TRRAP: variants seen among roughly 807,000 people sequenced by gnomAD.
The protein encoded by TRRAP is transformation/transcription domain-associated protein.
Under a neutral mutation model 438.8 loss-of-function variants are expected in TRRAP, and 41 were observed. The observed-to-expected ratio is 0.09, with a 90% CI of 0.07 to 0.12. The LOEUF (loss-of-function observed/expected upper bound fraction) is 0.12. TRRAP is among the 10% of genes least tolerant of loss of function. The pLI is 1.00. For synonymous variants in TRRAP, 1,994 were observed against 1,962.9 expected (o/e 1.02, Z -0.42); for missense variants, 3,122 against 5,055.1 (o/e 0.62, Z 11.60).
chr7:98,995,723 C>T lies in TRRAP; in HGVS notation c.10309+875C>T, dbSNP rs185864249. ...ATCATACACACACATGTCCCATCTA[C>T]GCACCCACGTCCCGTCCATGCACCC... is the stretch of plus-strand genomic sequence containing the variant. On this transcript the variant is annotated intron_variant, in intron 67 of 72. Transcript: ENST00000456197. Among the ~76,000 whole-genome samples the T allele has an allele frequency of 2.0e-3, 301 of 148,430 alleles. 1 individual carries two copies. Among genetic ancestry groups the T allele is most frequent in the Middle Eastern group, 7.1e-3 (2 of 280 alleles).
At chr7:98,964,062 T>C (rs1229967093) in intron 47 of TRRAP, among the ~76,000 whole-genome samples, 3 of 141,918 alleles carry the variant, frequency 2.1e-5, no homozygotes, top group African/African-American at 8.0e-5. Context: ...GCCTGGGTGA[T>C]AGAGCAAGAC....
intron 58 of TRRAP, among the ~76,000 whole-genome samples, chr7:98,980,189 C>A (rs554789183): frequency 7.9e-5 from 12 of 152,166 alleles, no homozygotes; most frequent in Non-Finnish European, 1.6e-4. Flanking sequence ...CAAAAACAAG[C>A]CACAGTGTCA....
intron 61 of TRRAP, among the ~76,000 whole-genome samples, chr7:98,984,730 G>C (rs1355946898): frequency 6.6e-6 from 1 of 152,118 alleles, no homozygotes; most frequent in Non-Finnish European, 1.5e-5. Context: ...AGACCCCTAA[G>C]TATTTAGGAT....
At chr7:98,951,976 G>A (rs1356652178) in intron 39 of TRRAP, among the ~76,000 whole-genome samples, 1 of 152,190 alleles carries the variant, frequency 6.6e-6, no homozygotes, top group Non-Finnish European at 1.5e-5. Context: ...GTCAGGATGA[G>A]GAGAAAAGGA....
At chr7:98,992,681 C>T (rs1420088938) in intron 65 of TRRAP, among the ~76,000 whole-genome samples, 1 of 152,122 alleles carries the variant, frequency 6.6e-6, no homozygotes, top group African/African-American at 2.4e-5. Flanking sequence ...CAGTGTAAGA[C>T]TTTTAATCTA....
rs556156924 is a variant in TRRAP, at chr7:98,977,189, T to C, written c.8385+113T>C. 5.5e-6 allele frequency: 8 copies of C among 1,452,478 alleles called. No homozygotes were observed. In the South Asian group the frequency reaches 7.7e-5, roughly 14 times the overall value. The allele number at this position is 1,452,478 out of a possible 1,614,324, so 90.0% of individuals were successfully genotyped here. On this transcript the variant is annotated intron_variant, in intron 56 of 72. Transcript: ENST00000456197. ...CACGTTCTCTTTTTTTGAGATGGAGTCTTGCTCTGTCGCCCAGCCTGGAGT... is the reference window on the plus strand; with the variant it reads ...CACGTTCTCTTTTTTTGAGATGGAGCCTTGCTCTGTCGCCCAGCCTGGAGT...
At chr7:98,917,852 T>G (rs1789579896) in intron 20 of TRRAP, among the ~76,000 whole-genome samples, 173 bp downstream of exon 20, 1 of 152,096 alleles carries the variant, frequency 6.6e-6, no homozygotes, top group African/African-American at 2.4e-5. Context: ...CCGGGCACGG[T>G]GTCTCCTGAC....
In TRRAP at chr7:98,959,369, G is replaced by C. The variant is rs748400347; in HGVS notation, c.6368G>C (p.Gly2123Ala). 2 of 1,614,042 alleles carry C rather than the reference G, an allele frequency of 1.2e-6. No individual in the cohort carries two copies. Among genetic ancestry groups the C allele is most frequent in the Non-Finnish European group, 8.5e-7 (1 of 1,179,996 alleles). Residue 2123 changes from glycine to alanine, a missense_variant, in exon 45 of 73, where the codon GGG (glycine) becomes GCG (alanine). By Grantham distance (60) the Gly-to-Ala change is moderately conservative. This residue lies in a region of TRRAP where 992 missense variants were observed against 1,281.2 expected (regional missense o/e 0.77). Coordinates refer to ENST00000456197, the MANE Select transcript of TRRAP (RefSeq NM_001375524.1). ...GTTAATGACAACACCAACACAGCGG[G>C]GTCCCCTGGGGAGGTGCTCTCTCGC... ...CQVNDNTNTAGSPGEVLSRRC... is the reference protein window; with the variant it reads ...CQVNDNTNTAASPGEVLSRRC...
chr7:98,927,223 A>G lies in TRRAP; in HGVS notation c.3032A>G (p.Asp1011Gly), dbSNP rs1554411740. The G allele has an allele frequency of 1.9e-6, 3 of 1,614,218 alleles. No homozygotes were observed. The highest frequency in any genetic ancestry group is 3.3e-5 in the Admixed American group (2 of 60,028). ...VIISHRYKAQDTPARKTFEQA... is the reference protein window; with the variant it reads ...VIISHRYKAQGTPARKTFEQA... ...ATCTCACATCGCTACAAAGCCCAGG[A>G]CACTCCAGCCCGGAAGACTTTTGAG... Residue 1011 changes from aspartate to glycine, a missense_variant, in exon 23 of 73, where the codon GAC becomes GGC. Asp to Gly is a moderately conservative substitution (Grantham distance 94). Coordinates refer to ENST00000456197, the MANE Select transcript of TRRAP (RefSeq NM_001375524.1).
In TRRAP at chr7:98,989,056, G is replaced by A. The variant is rs77756548; in HGVS notation, c.9591+90G>A. ...TAGCTATAGTTTACTCATCCGTGCC[G>A]GGTGTGAGGCATGATTTCATGCCTT... On this transcript the variant is annotated intron_variant, in intron 63 of 72. Transcript: ENST00000456197. 1.4e-3 allele frequency: 1,939 copies of A among 1,346,406 alleles called. 21 individuals carry two copies. The African/African-American group carries it at 0.021, about 15-fold the overall frequency. The allele number at this position is 1,346,406 out of a possible 1,614,324, so 83.4% of individuals were successfully genotyped here.
At chr7:98,958,190 A>G in intron 44 of TRRAP, 99 bp downstream of exon 44, 1 of 1,037,724 alleles carries the variant, frequency 9.6e-7, no homozygotes. Context: ...CAAAAAAGAT[A>G]CAGACAAACC....
intron 67 of TRRAP, chr7:98,999,667 G>T: frequency 1.1e-6 from 1 of 924,770 alleles, no homozygotes; most frequent in Non-Finnish European, 1.7e-6. Flanking sequence ...GAATGAAGGT[G>T]GGAAGGAGGA....
intron 30 of TRRAP, among the ~76,000 whole-genome samples, chr7:98,938,671 G>T (rs1373851684): frequency 6.6e-6 from 1 of 152,068 alleles, no homozygotes; most frequent in Admixed American, 6.6e-5. Flanking sequence ...ACATGAACTT[G>T]CCATAATTTA....
At chr7:98,959,153 T>C (rs1791766940) in intron 44 of TRRAP, among the ~76,000 whole-genome samples, 191 bp from the exon 45 acceptor site, 1 of 151,614 alleles carries the variant, frequency 6.6e-6, no homozygotes, top group Non-Finnish European at 1.5e-5. Context: ...GAGGGGGCCG[T>C]GAGGGGTCAT....
At position 98,948,703 on chromosome 7, in the gene TRRAP, C is replaced by G; in HGVS notation, c.4788+18C>G. 6.2e-7 allele frequency: 1 copy of G among 1,614,140 alleles called. No homozygotes were observed. Among genetic ancestry groups the G allele is most frequent in the Admixed American group, 1.7e-5 (1 of 60,028 alleles). On this transcript the variant is annotated intron_variant, in intron 35 of 72. Coordinates refer to ENST00000456197, the MANE Select transcript of TRRAP (RefSeq NM_001375524.1). This position sits in a 1 kb window ranked among gnomAD's most constrained non-coding sequence, Gnocchi z 4.9. ...TGTTTATGGTAAGAGCTGTGAGCAG[C>G]TGGAGTCAGGGGTCCCTTCAAATGC...
At chr7:98,903,278 T>G (rs781803364) in intron 11 of TRRAP, 101 bp from the exon 12 acceptor site, 2 of 1,490,096 alleles carry the variant, frequency 1.3e-6, no homozygotes, top group Non-Finnish European at 1.8e-6. Context: ...CACCTCGGCC[T>G]CCCAAAGGTC....
intron 53 of TRRAP, among the ~76,000 whole-genome samples, chr7:98,974,965 T>C (rs1483766837): frequency 6.6e-6 from 1 of 152,208 alleles, no homozygotes; most frequent in Non-Finnish European, 1.5e-5. Context: ...GGGATTCTGA[T>C]CCAAACCCCC....
At position 98,910,504 on chromosome 7, in the gene TRRAP, T is replaced by C; in HGVS notation, c.1715-6T>C. ...AAGTTAACTTAATATACTTTCTCTT[T>C]TCCAGAAGCTCAGTTCATTCCCAAC... On this transcript the variant is annotated splice_polypyrimidine_tract_variant and splice_region_variant and intron_variant, in intron 15 of 72. Transcript: ENST00000456197. 2 of 1,614,050 alleles carry C rather than the reference T, an allele frequency of 1.2e-6. No homozygotes were observed. The highest frequency in any genetic ancestry group is 8.5e-7 in the Non-Finnish European group (1 of 1,180,022).
At chr7:98,955,348 C>T in intron 41 of TRRAP, 44 bp downstream of exon 41, 1 of 1,549,542 alleles carries the variant, frequency 6.5e-7, no homozygotes, top group South Asian at 1.2e-5. Context: ...CGTCTTCAGG[C>T]ATTCACTTTG....
Sources: gnomAD v4.1 joint callset for allele counts (sites outside exome capture counted in the v4.1 genomes callset) on GRCh38, gnomAD v4.1.1 for gene constraint, gnomAD v4.1.1 regional missense constraint, Gnocchi (gnomAD v3.1) non-coding constraint, MANE v1.5 for transcripts, NCBI Gene and HGNC (gene_info 2026-07-23, HGNC 2026-07-21) for gene names.